Variants in PLD1 observed in about 807,000 individuals in gnomAD.
PLD1 encodes phospholipase D1.
PLD1 carries 112 observed loss-of-function variants against 137.1 expected under a neutral mutation model. The observed-to-expected ratio is 0.82, with a 90% CI of 0.70 to 0.96. The LOEUF (loss-of-function observed/expected upper bound fraction) is 0.96, where lower values mean the gene tolerates loss of function less well. Ranked by LOEUF, PLD1 falls within the 40% of genes least tolerant of loss-of-function variation. The pLI is 0.00. For synonymous variants in PLD1, 431 were observed against 454.7 expected, an observed-to-expected ratio of 0.95 and a Z score of 0.66; for missense variants, 1,321 against 1,342.0, an observed-to-expected ratio of 0.98 and a Z score of 0.24.
intron 1 of PLD1, among the ~76,000 whole-genome samples, chr3:171,744,879 C>G (rs1720033263): frequency 6.6e-6 from 1 of 152,164 alleles, no homozygotes; most frequent in Admixed American, 6.5e-5. Flanking sequence ...AATAAGAAAT[C>G]CCATAAGACA....
chr3:171,654,590 T>A (rs1737040938), intron 21 of PLD1, among the ~76,000 whole-genome samples: 1 of 152,176 alleles, frequency 6.6e-6, no homozygotes, highest in Admixed American at 6.5e-5. Context: ...ACACAGTGTT[T>A]AAAAATGTGT....
chr3:171,740,050 C>T (rs1411654358), intron 1 of PLD1, among the ~76,000 whole-genome samples: 1 of 152,160 alleles, frequency 6.6e-6, no homozygotes, highest in African/African-American at 2.4e-5. Context: ...TTTGTTTCCT[C>T]TCTATAAATT....
In PLD1 at chr3:171,764,870, A is replaced by AGAGAAAGAAAG. The variant is rs1553845831; in HGVS notation, c.-31-26789_-31-26788insCTTTCTTTCTC. Reference sequence around the variant, plus strand: ...AAGAAAGAAAGAAAGAAAGAAAGAAAGAAAGAAAGAAAGAAAGAAAGAAAG... The same window carrying AGAGAAAGAAAG: ...AAGAAAGAAAGAAAGAAAGAAAGAAAGAGAAAGAAAGGAAAGAAAGAAAGAAAGAAAGAAAG... On this transcript the variant is annotated intron_variant, in intron 1 of 26. Coordinates refer to ENST00000351298, the MANE Select transcript of PLD1 (RefSeq NM_002662.5). 3.3e-3 allele frequency among the ~76,000 whole-genome samples: 88 copies of AGAGAAAGAAAG among 26,332 alleles called. 6 individuals carry two copies. The highest frequency in any genetic ancestry group is 5.8e-3 in the Non-Finnish European group (71 of 12,334). The allele number at this position is 26,332 out of a possible 152,430, so 17.3% of individuals were successfully genotyped here.
chr3:171,661,945 C>T (rs1342128280), intron 20 of PLD1, 115 bp downstream of exon 20: 20 of 566,696 alleles, frequency 3.5e-5, no homozygotes, highest in East Asian at 5.7e-5. Flanking sequence ...GCACTTTTCA[C>T]GCCTCAAAAT....
chr3:171,612,587 C>T lies in PLD1; in HGVS notation c.2729-155G>A, dbSNP rs1436610998. 6.6e-6 allele frequency among the ~76,000 whole-genome samples: 1 copy of T among 152,142 alleles called. No individual in the cohort carries two copies. The highest frequency in any genetic ancestry group is 1.5e-5 in the Non-Finnish European group (1 of 68,020). On this transcript the variant is annotated intron_variant, in intron 24 of 26. Coordinates refer to ENST00000351298, the MANE Select transcript of PLD1 (RefSeq NM_002662.5). The surrounding 1 kb of genome is among the most constrained non-coding windows in gnomAD (Gnocchi z 4.1). The stretch of plus-strand genomic sequence containing the variant: ...TTTAGGGAGGTGGGGCCCTCCCTAA[C>T]CCAGGGGTGAATCTTAATCAGTCTA...
intron 23 of PLD1, among the ~76,000 whole-genome samples, chr3:171,634,445 T>C (rs1006160578): frequency 2.6e-5 from 4 of 152,212 alleles, no homozygotes; most frequent in Non-Finnish European, 5.9e-5. Context: ...ATAAATTTAC[T>C]AATTCACTAT....
At chr3:171,652,953 T>A (rs75788519) in intron 21 of PLD1, among the ~76,000 whole-genome samples, 1 of 152,082 alleles carries the variant, frequency 6.6e-6, no homozygotes, top group South Asian at 2.1e-4. Context: ...GTATTTTTCA[T>A]AGATTTCTGG....
chr3:171,624,980 A>G (rs911260935), intron 23 of PLD1, among the ~76,000 whole-genome samples: 2 of 152,180 alleles, frequency 1.3e-5, no homozygotes, highest in Non-Finnish European at 2.9e-5. Flanking sequence ...GAGGAATGGC[A>G]TTTATTTAAA....
At chr3:171,767,455 G>A (rs1016623255) in intron 1 of PLD1, among the ~76,000 whole-genome samples, 1 of 152,226 alleles carries the variant, frequency 6.6e-6, no homozygotes, top group Non-Finnish European at 1.5e-5. Context: ...GAGCAGCACA[G>A]ATGTCAGTAT....
chr3:171,617,124 G>T (rs1733183417), intron 24 of PLD1, among the ~76,000 whole-genome samples: 1 of 152,110 alleles, frequency 6.6e-6, no homozygotes, highest in African/African-American at 2.4e-5. Flanking sequence ...AGACCAACTA[G>T]ATCATAATTT....
intron 19 of PLD1, among the ~76,000 whole-genome samples, chr3:171,669,838 T>C (rs990540498): frequency 3.9e-5 from 6 of 152,136 alleles, no homozygotes; most frequent in Non-Finnish European, 7.3e-5. Context: ...CTGTCATTTA[T>C]GTTTTTTAAA....
Position 171,612,301 on chromosome 3 carries a change from C to G in PLD1, c.2860G>C (p.Gly954Arg). Residue 954 changes from glycine (G) to arginine (R), a missense_variant, in exon 25 of 27, where the codon GGA becomes CGA. Transcript: ENST00000351298. This position sits in a 1 kb window ranked among gnomAD's most constrained non-coding sequence, Gnocchi z 4.1. ...KEYQAGRFARGLRLQCFRVVL... is the reference protein window; with the variant it reads ...KEYQAGRFARRLRLQCFRVVL... ...GACCTAAAGCACTGTAGCCGAAGTC[C>G]TCGGGCAAACCGGCCAGCTTGGTAC... 6.2e-7 allele frequency: 1 copy of G among 1,614,080 alleles called. No homozygotes were observed. Among genetic ancestry groups the G allele is most frequent in the Non-Finnish European group, 8.5e-7 (1 of 1,179,974 alleles).
At chr3:171,607,500 C>T (rs1732303304) in intron 25 of PLD1, among the ~76,000 whole-genome samples, 1 of 152,000 alleles carries the variant, frequency 6.6e-6, no homozygotes, top group South Asian at 2.1e-4. Context: ...ATTATTTTCC[C>T]TGGCAGTATT....
intron 21 of PLD1, chr3:171,653,285 A>G (rs140461455): frequency 2.8e-4 from 42 of 152,386 alleles, no homozygotes; most frequent in African/African-American, 9.9e-4. Flanking sequence ...GCTGATTTCA[A>G]TTAGAAGGCT....
chr3:171,613,361 C>T (rs1354339917), intron 24 of PLD1, among the ~76,000 whole-genome samples: 1 of 152,124 alleles, frequency 6.6e-6, no homozygotes, highest in Non-Finnish European at 1.5e-5. Context: ...ACAAAAGATT[C>T]TAACTGTTAC....
intron 1 of PLD1, among the ~76,000 whole-genome samples, chr3:171,753,006 C>A (rs1442310969): frequency 6.6e-6 from 1 of 152,190 alleles, no homozygotes; most frequent in Non-Finnish European, 1.5e-5. Context: ...GAGACTAGAA[C>A]TCACACCTCT....
intron 19 of PLD1, among the ~76,000 whole-genome samples, chr3:171,668,432 C>T (rs141037618): frequency 6.6e-6 from 1 of 152,214 alleles, no homozygotes; most frequent in African/African-American, 2.4e-5. Context: ...TCAGATCTAA[C>T]AGATCCTTGG....
intron 6 of PLD1, among the ~76,000 whole-genome samples, chr3:171,729,661 T>C (rs1459016861): frequency 6.6e-6 from 1 of 152,168 alleles, no homozygotes; most frequent in Non-Finnish European, 1.5e-5. Context: ...ATCTAATCTA[T>C]GAAGGAAACT....
intron 26 of PLD1, 140 bp from the exon 27 acceptor site, chr3:171,603,442 T>C (rs573549781): frequency 1.6e-6 from 1 of 628,490 alleles, no homozygotes; most frequent in South Asian, 2.0e-5. Flanking sequence ...ACAGACCTGA[T>C]TTAAGAGTTG....
Sources: gnomAD v4.1 joint callset for allele counts (sites outside exome capture counted in the v4.1 genomes callset) on GRCh38, gnomAD v4.1.1 for gene constraint, Gnocchi (gnomAD v3.1) non-coding constraint, MANE v1.5 for transcripts, NCBI Gene and HGNC (gene_info 2026-07-23, HGNC 2026-07-21) for gene names.